Variants in GRK5 observed in about 807,000 individuals in gnomAD.
The protein encoded by GRK5 is g protein-coupled receptor kinase GRK5.
Under a neutral mutation model 78.4 loss-of-function variants are expected in GRK5, and 40 were observed. The observed-to-expected ratio is 0.51, with a 90% CI of 0.40 to 0.66. The LOEUF (loss-of-function observed/expected upper bound fraction) is 0.66, where lower values mean the gene tolerates loss of function less well. Ranked by LOEUF, GRK5 falls within the 30% of genes least tolerant of loss-of-function variation. GRK5 has a pLI of 0.00. For missense variants in GRK5, 598 were observed against 759.9 expected (o/e 0.79, Z 2.50); for synonymous variants, 289 against 296.8 (o/e 0.97, Z 0.27).
At position 119,417,983 on chromosome 10, in the gene GRK5, G is replaced by A. The variant is rs561749241; in HGVS notation, c.340-5183G>A. ...ACTGCCCGGATCCCCAGAACCAGTGGCATAGAGCAGAGAGCGAGTCTGGGC... is the reference window on the plus strand; with the variant it reads ...ACTGCCCGGATCCCCAGAACCAGTGACATAGAGCAGAGAGCGAGTCTGGGC... On this transcript the variant is annotated intron_variant, in intron 4 of 15. Transcript: ENST00000392870. Among the ~76,000 whole-genome samples, 167 of 152,300 alleles carry A rather than the reference G, an allele frequency of 1.1e-3. 1 individual carries two copies. Among genetic ancestry groups the A allele is most frequent in the Middle Eastern group, 6.8e-3 (2 of 294 alleles).
chr10:119,250,828 AT>A (rs1411292183), intron 1 of GRK5, among the ~76,000 whole-genome samples: 1 of 152,176 alleles, frequency 6.6e-6, no homozygotes, highest in Admixed American at 6.5e-5. Context: ...TATTTTTCAT[AT>A]CCCGATGCCA....
At chr10:119,443,339 C>A (rs537345152) in intron 11 of GRK5, among the ~76,000 whole-genome samples, 1 of 152,164 alleles carries the variant, frequency 6.6e-6, no homozygotes, top group African/African-American at 2.4e-5. Context: ...CCTCCATCCA[C>A]GGTGGTCAGA....
chr10:119,394,053 GGTT>G (rs964977976), intron 3 of GRK5, among the ~76,000 whole-genome samples: 25 of 145,104 alleles, frequency 1.7e-4, no homozygotes, highest in Non-Finnish European at 3.1e-4. Context: ...GTGGGTGTGT[GGTT>G]GTGTGTGTGT....
chr10:119,224,871 C>T (rs1848709979), intron 1 of GRK5, among the ~76,000 whole-genome samples: 1 of 152,170 alleles, frequency 6.6e-6, no homozygotes, highest in African/African-American at 2.4e-5. Flanking sequence ...TGGCTCCTCT[C>T]CAAGCAAAAC....
chr10:119,398,124 G>T (rs1269551500), intron 4 of GRK5, among the ~76,000 whole-genome samples: 1 of 152,232 alleles, frequency 6.6e-6, no homozygotes, highest in Non-Finnish European at 1.5e-5. Flanking sequence ...ATATGGGCCT[G>T]TTGCTGTCTG....
intron 2 of GRK5, among the ~76,000 whole-genome samples, chr10:119,371,311 C>T (rs1036149485): frequency 6.6e-6 from 1 of 152,238 alleles, no homozygotes; most frequent in Non-Finnish European, 1.5e-5. Context: ...GGAAGCTGGG[C>T]CGCCCTCACT....
intron 1 of GRK5, among the ~76,000 whole-genome samples, chr10:119,282,886 A>T (rs1849786307): frequency 6.6e-6 from 1 of 152,230 alleles, no homozygotes; most frequent in African/African-American, 2.4e-5. Flanking sequence ...GTGAGGCCGG[A>T]GGAGTGACAG....
chr10:119,439,633 C>G, intron 9 of GRK5, 98 bp from the exon 10 acceptor site: 1 of 1,069,092 alleles, frequency 9.4e-7, no homozygotes, highest in African/African-American at 1.6e-5. Context: ...ACACTGTGGC[C>G]ACTCAGGCCT....
intron 10 of GRK5, among the ~76,000 whole-genome samples, 188 bp downstream of exon 10, chr10:119,439,956 G>A (rs1853000358): frequency 6.6e-6 from 1 of 152,200 alleles, no homozygotes; most frequent in African/African-American, 2.4e-5. Flanking sequence ...TGAACAGGCA[G>A]TGTTCAGAGA....
chr10:119,419,293 A>G (rs1175328168), intron 4 of GRK5, among the ~76,000 whole-genome samples: 2 of 152,254 alleles, frequency 1.3e-5, no homozygotes, highest in Non-Finnish European at 2.9e-5. Flanking sequence ...TCTGACACGC[A>G]GCCAGCGGAG....
intron 11 of GRK5, among the ~76,000 whole-genome samples, chr10:119,443,323 A>G (rs961103331): frequency 2.0e-5 from 3 of 152,218 alleles, no homozygotes; most frequent in African/African-American, 4.8e-5. Context: ...TCAAGAGTGC[A>G]GGACACCTCC....
At chr10:119,384,583 C>G (rs749602683) in intron 3 of GRK5, among the ~76,000 whole-genome samples, 4 of 152,210 alleles carry the variant, frequency 2.6e-5, no homozygotes, top group Non-Finnish European at 4.4e-5. Flanking sequence ...GTGAACCTAG[C>G]CATTGAGGGG....
At position 119,224,693 on chromosome 10, in the gene GRK5, C is replaced by T. The variant is rs960132216; in HGVS notation, c.52+16724C>T. Among the ~76,000 whole-genome samples, 13 of 152,142 alleles carry T rather than the reference C, an allele frequency of 8.5e-5. No homozygotes were observed. In the East Asian group the frequency reaches 1.3e-3, roughly 16 times the overall value. On this transcript the variant is annotated intron_variant, in intron 1 of 15. Transcript: ENST00000392870. Reference sequence around the variant, plus strand: ...CCTTACAAAGTGCTAGGATTACAGGCGTGAGCCACTGCGCCCAGCCTAGTC... The same window carrying T: ...CCTTACAAAGTGCTAGGATTACAGGTGTGAGCCACTGCGCCCAGCCTAGTC...
chr10:119,290,366 A>AAAC lies in GRK5; in HGVS notation c.53-36148_53-36147insCAA, dbSNP rs1447098280. Among the ~76,000 whole-genome samples, 1,195 of 129,392 alleles carry AAAC rather than the reference A, an allele frequency of 9.2e-3. 22 individuals carry two copies. Among genetic ancestry groups the AAAC allele is most frequent in the African/African-American group, 0.03 (1,131 of 37,874 alleles). 84.9% of individuals were successfully genotyped at this position (129,392 alleles called of 152,430 possible). Reference sequence around the variant, plus strand: ...CGTCTCAAAAAAAAAAAAAAAAACAAAAAACAACTCTGTCCCCTTCTCCCT... The same window carrying AAAC: ...CGTCTCAAAAAAAAAAAAAAAAACAAAACAAAACAACTCTGTCCCCTTCTCCCT... On this transcript the variant is annotated intron_variant, in intron 1 of 15. Coordinates refer to ENST00000392870, the MANE Select transcript of GRK5 (RefSeq NM_005308.3).
rs117049697 is a variant in GRK5, at chr10:119,395,883, C to T, written c.262-812C>T. Among the ~76,000 whole-genome samples, 12 of 152,224 alleles carry T rather than the reference C, an allele frequency of 7.9e-5. No homozygotes were observed. The East Asian group carries it at 2.1e-3, about 27-fold the overall frequency. On this transcript the variant is annotated intron_variant, in intron 3 of 15. Transcript: ENST00000392870. Reference sequence around the variant, plus strand: ...CCCTATGCAAGTCCCTTCCCACCGCCGGCCCTCGGGATCTCCACCTACAGA... The same window carrying T: ...CCCTATGCAAGTCCCTTCCCACCGCTGGCCCTCGGGATCTCCACCTACAGA...
At chr10:119,261,805 C>G (rs141501107) in intron 1 of GRK5, among the ~76,000 whole-genome samples, 1 of 151,936 alleles carries the variant, frequency 6.6e-6, no homozygotes, top group Non-Finnish European at 1.5e-5. Context: ...AGGCTGAGGC[C>G]GGAGAATCAG....
chr10:119,438,885 A>G (rs1852977778), intron 9 of GRK5, among the ~76,000 whole-genome samples: 1 of 152,266 alleles, frequency 6.6e-6, no homozygotes, highest in African/African-American at 2.4e-5. Context: ...TTATCATTTG[A>G]TGAGGCTCAC....
Position 119,253,161 on chromosome 10 carries a change from G to A in GRK5, c.52+45192G>A, listed in dbSNP as rs940470013. On this transcript the variant is annotated intron_variant, in intron 1 of 15. Transcript: ENST00000392870. This position sits in a 1 kb window ranked among gnomAD's most constrained non-coding sequence, Gnocchi z 5.7. The stretch of plus-strand genomic sequence containing the variant: ...GGCTCAGTGGTGACAGCACAGGTTT[G>A]ACAGAGGGTGTCTACACCACCCAGT... 1.3e-5 allele frequency among the ~76,000 whole-genome samples: 2 copies of A among 152,172 alleles called. No individual in the cohort carries two copies. Among genetic ancestry groups the A allele is most frequent in the African/African-American group, 2.4e-5 (1 of 41,428 alleles).
At chr10:119,440,155 C>T (rs1009485855) in intron 10 of GRK5, among the ~76,000 whole-genome samples, 1 of 152,118 alleles carries the variant, frequency 6.6e-6, no homozygotes, top group Admixed American at 6.5e-5. Flanking sequence ...GGAAACAAAG[C>T]GTCCTGCCCT....
Sources: allele counts gnomAD v4.1 joint callset (sites outside exome capture counted in the v4.1 genomes callset), GRCh38; gene constraint gnomAD v4.1.1; non-coding constraint Gnocchi (gnomAD v3.1); transcripts MANE v1.5; gene names NCBI Gene and HGNC (gene_info 2026-07-23, HGNC 2026-07-21).